Variants in PLPPR5 observed in about 807,000 individuals in gnomAD.
PLPPR5 encodes the protein phospholipid phosphatase related 5.
PLPPR5 carries 16 observed loss-of-function variants against 33.9 expected under a neutral mutation model. The ratio of observed to expected loss-of-function variants is 0.47; its 90% CI spans 0.32 to 0.72. The LOEUF (loss-of-function observed/expected upper bound fraction) is 0.72. Ranked by LOEUF, PLPPR5 falls within the 30% of genes least tolerant of loss-of-function variation. PLPPR5 has a pLI of 0.03. For synonymous variants in PLPPR5, 163 were observed against 150.3 expected (o/e 1.08, Z -0.62); for missense variants, 301 against 406.7 (o/e 0.74, Z 2.23).
chr1:98,963,663 TAA>T (rs1395872263), intron 1 of PLPPR5, among the ~76,000 whole-genome samples: 5 of 152,166 alleles, frequency 3.3e-5, no homozygotes, highest in African/African-American at 4.8e-5. Flanking sequence ...TTTTCCAAGT[TAA>T]GATAGGTCAG....
intron 5 of PLPPR5, among the ~76,000 whole-genome samples, chr1:98,901,802 G>A (rs1648703366): frequency 6.6e-6 from 1 of 151,818 alleles, no homozygotes; most frequent in Non-Finnish European, 1.5e-5. Flanking sequence ...ATTATTAATT[G>A]AGCTTACAAA....
At chr1:98,973,409 A>G (rs1339651356) in intron 1 of PLPPR5, among the ~76,000 whole-genome samples, 2 of 151,984 alleles carry the variant, frequency 1.3e-5, no homozygotes, top group Non-Finnish European at 2.9e-5. Context: ...AGAGAGGAAG[A>G]AAGTCTTACA....
intron 1 of PLPPR5, among the ~76,000 whole-genome samples, chr1:98,977,111 G>A (rs970611032): frequency 6.6e-6 from 1 of 151,962 alleles, no homozygotes; most frequent in Non-Finnish European, 1.5e-5. Context: ...ATTTCATCTT[G>A]TTTCTTTATT....
intron 3 of PLPPR5, among the ~76,000 whole-genome samples, chr1:98,940,181 AT>A (rs1650321160): frequency 6.6e-6 from 1 of 151,846 alleles, no homozygotes; most frequent in Non-Finnish European, 1.5e-5. Context: ...TAATTTTCTC[AT>A]AGATCTAGAG....
intron 3 of PLPPR5, among the ~76,000 whole-genome samples, chr1:98,930,799 C>A (rs1039407688): frequency 2.0e-5 from 3 of 152,098 alleles, no homozygotes; most frequent in African/African-American, 4.8e-5. Flanking sequence ...TTCTTTCCCC[C>A]TCTCAAGGCT....
In PLPPR5 at chr1:98,954,141, A is replaced by G. The variant is rs989043131; in HGVS notation, c.371-821T>C. Among the ~76,000 whole-genome samples, 32 of 152,326 alleles carry G rather than the reference A, an allele frequency of 2.1e-4. No individual in the cohort carries two copies. In the Middle Eastern group the frequency reaches 0.017, roughly 81 times the overall value. ...CTAAGGAACTTGCCAATTTACTTGA[A>G]TACCAAAAACATTTTCTAAATTCAA... is the stretch of plus-strand genomic sequence containing the variant. On this transcript the variant is annotated intron_variant, in intron 2 of 5. Coordinates refer to ENST00000263177, the MANE Select transcript of PLPPR5 (RefSeq NM_001037317.2).
chr1:98,908,998 G>C (rs757321146), intron 5 of PLPPR5, among the ~76,000 whole-genome samples: 4 of 151,672 alleles, frequency 2.6e-5, no homozygotes, highest in Non-Finnish European at 5.9e-5. Flanking sequence ...ATTTTTAAAA[G>C]ATAATGATTT....
intron 3 of PLPPR5, among the ~76,000 whole-genome samples, chr1:98,937,071 G>A (rs1023393870): frequency 6.6e-6 from 1 of 152,172 alleles, no homozygotes; most frequent in Non-Finnish European, 1.5e-5. Context: ...ACCTTTTTAA[G>A]AGCCACATTA....
In PLPPR5 at chr1:99,004,682, C is replaced by G. The variant is rs893078730; in HGVS notation, c.-11G>C. On this transcript the variant is annotated 5_prime_UTR_variant, in exon 1 of 6. Transcript: ENST00000263177. Reference sequence around the variant, plus strand: ...GGGCAGCAGGGGCATGCACGCCTCCCGGGCCGGGCCGAGCCGAGCCGAGCG... The same window carrying G: ...GGGCAGCAGGGGCATGCACGCCTCCGGGGCCGGGCCGAGCCGAGCCGAGCG... 4.4e-6 allele frequency: 7 copies of G among 1,573,430 alleles called. No homozygotes were observed. Among genetic ancestry groups the G allele is most frequent in the Non-Finnish European group, 5.2e-6 (6 of 1,160,720 alleles).
intron 1 of PLPPR5, among the ~76,000 whole-genome samples, chr1:98,979,516 G>GTTCTGCACT (rs1268807188): frequency 6.6e-6 from 1 of 152,076 alleles, no homozygotes; most frequent in African/African-American, 2.4e-5. Context: ...TAGGATGAAT[G>GTTCTGCACT]TTCTGCACTT....
At chr1:98,950,997 C>T in intron 3 of PLPPR5, among the ~76,000 whole-genome samples, 1 of 152,124 alleles carries the variant, frequency 6.6e-6, no homozygotes, top group East Asian at 1.9e-4. Context: ...AGCCACCACG[C>T]CCCATCTGAA....
At chr1:98,939,768 G>A (rs911598793) in intron 3 of PLPPR5, among the ~76,000 whole-genome samples, 6 of 151,916 alleles carry the variant, frequency 3.9e-5, no homozygotes, top group African/African-American at 1.4e-4. Flanking sequence ...TATCCTCAGC[G>A]TACCCTTCCT....
chr1:98,968,815 A>C (rs1327921155), intron 1 of PLPPR5, among the ~76,000 whole-genome samples: 1 of 152,112 alleles, frequency 6.6e-6, no homozygotes, highest in African/African-American at 2.4e-5. Context: ...AGATAAGGAC[A>C]CAATGGCACA....
chr1:98,905,179 T>A (rs111572627), intron 5 of PLPPR5, among the ~76,000 whole-genome samples: 16 of 152,166 alleles, frequency 1.1e-4, no homozygotes, highest in Non-Finnish European at 1.9e-4. Flanking sequence ...TTTAAGGAAG[T>A]CCTTTTTGGA....
chr1:98,922,568 A>C (rs917962565), intron 3 of PLPPR5, among the ~76,000 whole-genome samples: 2 of 152,248 alleles, frequency 1.3e-5, no homozygotes, highest in Admixed American at 6.5e-5. Context: ...TCTACCAAAC[A>C]GATGTTACTT....
At chr1:98,964,407 G>A (rs1027912780) in intron 1 of PLPPR5, among the ~76,000 whole-genome samples, 1 of 152,186 alleles carries the variant, frequency 6.6e-6, no homozygotes, top group East Asian at 1.9e-4. Context: ...AAGGATCAAC[G>A]GGCCTCCCAT....
chr1:98,978,642 T>C (rs867347996), intron 1 of PLPPR5, among the ~76,000 whole-genome samples: 2 of 152,082 alleles, frequency 1.3e-5, no homozygotes, highest in African/African-American at 2.4e-5. Flanking sequence ...GATTACATGA[T>C]GGTTTTTTAA....
chr1:99,003,310 A>C (rs1055953580), intron 1 of PLPPR5, among the ~76,000 whole-genome samples: 2 of 151,692 alleles, frequency 1.3e-5, no homozygotes, highest in African/African-American at 4.8e-5. Context: ...AAAAAGATGA[A>C]CATCCAAACT....
At chr1:98,894,746 A>G (rs374929032) in intron 5 of PLPPR5, among the ~76,000 whole-genome samples, 24 of 152,170 alleles carry the variant, frequency 1.6e-4, no homozygotes, top group African/African-American at 5.3e-4. Context: ...GGTTCACAAG[A>G]CTCATTAAAT....
Sources: allele counts gnomAD v4.1 joint callset (sites outside exome capture counted in the v4.1 genomes callset), GRCh38; gene constraint gnomAD v4.1.1; transcripts MANE v1.5; gene names NCBI Gene and HGNC (gene_info 2026-07-23, HGNC 2026-07-21).